EP300: variants seen among roughly 807,000 people sequenced by gnomAD.
EP300 encodes the protein histone acetyltransferase p300.
In EP300, 31 loss-of-function variants were observed where a neutral mutation model predicts 264.0. The ratio of observed to expected loss-of-function variants is 0.12; its 90% CI spans 0.09 to 0.16. The LOEUF (loss-of-function observed/expected upper bound fraction) is 0.16, where lower values mean the gene tolerates loss of function less well. Among genes scored for constraint, EP300 ranks in the 10% least tolerant of loss-of-function variants. The pLI is 1.00. For synonymous variants in EP300, 1,340 were observed against 1,045.4 expected (o/e 1.28, Z -5.44); for missense variants, 2,766 against 3,052.9 (o/e 0.91, Z 2.21).
intron 2 of EP300, among the ~76,000 whole-genome samples, chr22:41,125,623 A>G (rs1220427237): frequency 6.6e-6 from 1 of 152,008 alleles, no homozygotes; most frequent in Non-Finnish European, 1.5e-5. Context: ...CTTCACTGAT[A>G]ATCCCACTTT....
intron 29 of EP300, among the ~76,000 whole-genome samples, chr22:41,175,667 G>T (rs2059196407): frequency 6.6e-6 from 1 of 152,166 alleles, no homozygotes; most frequent in Non-Finnish European, 1.5e-5. Context: ...GATTTGTCTG[G>T]TTTGTTGTAA....
At chr22:41,116,497 T>G (rs1205624037) in intron 1 of EP300, among the ~76,000 whole-genome samples, 1 of 152,180 alleles carries the variant, frequency 6.6e-6, no homozygotes, top group Non-Finnish European at 1.5e-5. Flanking sequence ...CTGAGAATGA[T>G]GGTTTCCAGG....
chr22:41,173,867 T>C (rs2059184903), intron 29 of EP300, 83 bp downstream of exon 29: 1 of 1,558,440 alleles, frequency 6.4e-7, no homozygotes, highest in East Asian at 2.3e-5. Context: ...ATCCCAGCAC[T>C]TTGGGAGGCC....
At position 41,143,202 on chromosome 22, in the gene EP300, C is replaced by A. The variant is rs4822008; in HGVS notation, c.2053+1980C>A. On this transcript the variant is annotated intron_variant, in intron 10 of 30. Coordinates refer to ENST00000263253, the MANE Select transcript of EP300 (RefSeq NM_001429.4). The stretch of plus-strand genomic sequence containing the variant: ...TGGTGGTGGCTCACGCCTGTAATCC[C>A]AGCTCTTTGGGAGGCTGAGGCTGCA... Among the ~76,000 whole-genome samples, 7 of 152,174 alleles carry A rather than the reference C, an allele frequency of 4.6e-5. No homozygotes were observed. In the South Asian group the frequency reaches 1.4e-3, roughly 32 times the overall value.
intron 16 of EP300, among the ~76,000 whole-genome samples, chr22:41,154,140 T>C (rs1382913208): frequency 6.6e-6 from 1 of 152,180 alleles, no homozygotes; most frequent in African/African-American, 2.4e-5. Flanking sequence ...CTCTCTTCTT[T>C]TAAACTTAAA....
intron 6 of EP300, among the ~76,000 whole-genome samples, chr22:41,134,760 A>T (rs2058940397): frequency 6.6e-6 from 1 of 152,228 alleles, no homozygotes; most frequent in African/African-American, 2.4e-5. Flanking sequence ...GATGAGGAGC[A>T]ATCTTGCCTT....
chr22:41,119,253 G>A (rs2058839446), intron 2 of EP300, among the ~76,000 whole-genome samples: 1 of 146,980 alleles, frequency 6.8e-6, no homozygotes, highest in African/African-American at 2.5e-5. Flanking sequence ...CTCCTCTTGG[G>A]CTCAAGTGAT....
At position 41,141,366 on chromosome 22, in the gene EP300, C is replaced by T. The variant is rs1016563538; in HGVS notation, c.2053+144C>T. Reference sequence around the variant, plus strand: ...TGCCTTTGCAAAGAAAATAACTCATCTACTAGTAAAAACAGAAGCAGAACA... The same window carrying T: ...TGCCTTTGCAAAGAAAATAACTCATTTACTAGTAAAAACAGAAGCAGAACA... On this transcript the variant is annotated intron_variant, in intron 10 of 30. Transcript: ENST00000263253. The T allele has an allele frequency of 5.1e-5, 43 of 842,650 alleles. 1 individual carries two copies. In the Admixed American group the frequency reaches 8.1e-4, roughly 16 times the overall value. The allele number at this position is 842,650 out of a possible 1,614,324, so 52.2% of individuals were successfully genotyped here. A position where few individuals can be genotyped will look rare whatever the true frequency, so the allele number is the denominator to read the frequency against.
chr22:41,133,321 C>G (rs1243093080), intron 6 of EP300, among the ~76,000 whole-genome samples: 4 of 151,784 alleles, frequency 2.6e-5, no homozygotes, highest in Non-Finnish European at 5.9e-5. Flanking sequence ...CCACACCCAG[C>G]TAATTTTTTT....
chr22:41,110,250 G>GACCT (rs1476015403), intron 1 of EP300, among the ~76,000 whole-genome samples: 1 of 143,118 alleles, frequency 7.0e-6, no homozygotes, highest in African/African-American at 2.6e-5. Flanking sequence ...GAGTAACTGG[G>GACCT]ACCTGTAGGT....
rs2058825106 is a variant in EP300 at position 41,117,006 on chromosome 22, C to T, written c.95-181C>T. Among the ~76,000 whole-genome samples, 3 of 152,212 alleles carry T rather than the reference C, an allele frequency of 2.0e-5. No homozygotes were observed. The South Asian group carries it at 6.2e-4, about 32-fold the overall frequency. ...ACCTGTGGATAGAGGTTACAGTAAG[C>T]CAAGATCGCGCACCACTGCACTCCA... On this transcript the variant is annotated intron_variant, in intron 1 of 30. Transcript: ENST00000263253.
At position 41,147,237 on chromosome 22, in the gene EP300, C is replaced by T. The variant is rs1314026393; in HGVS notation, c.2131+421C>T. ...TGGAGAATCACTTGAACCCAGGAGG[C>T]GGAGTTTGCAGTGAGGCGAGATCGC... On this transcript the variant is annotated intron_variant, in intron 11 of 30. Transcript: ENST00000263253. Among the ~76,000 whole-genome samples the T allele has an allele frequency of 6.7e-5, 10 of 149,192 alleles. No individual in the cohort carries two copies. The Admixed American group carries it at 6.7e-4, about 10-fold the overall frequency.
chr22:41,141,527 C>T (rs1285049688), intron 10 of EP300, among the ~76,000 whole-genome samples: 1 of 152,164 alleles, frequency 6.6e-6, no homozygotes, highest in African/African-American at 2.4e-5. Flanking sequence ...TCACAGATTT[C>T]TCTGAGACTG....
At position 41,137,635 on chromosome 22, in the gene EP300, G is replaced by C; in HGVS notation, c.1623-18G>C. 3.1e-6 allele frequency: 5 copies of C among 1,614,036 alleles called. No individual in the cohort carries two copies. The highest frequency in any genetic ancestry group is 4.2e-6 in the Non-Finnish European group (5 of 1,180,006). ...CTACCTTTCTTCACTAAAACTATTT[G>C]GTGACCCCTTTTTGAAGCCCAATGA... On this transcript the variant is annotated intron_variant, in intron 7 of 30. Coordinates refer to ENST00000263253, the MANE Select transcript of EP300 (RefSeq NM_001429.4).
In EP300 at chr22:41,137,720, A is replaced by G. The variant is rs1434555035; in HGVS notation, c.1690A>G (p.Thr564Ala). The G allele has an allele frequency of 1.5e-5, 24 of 1,614,062 alleles. No homozygotes were observed. The highest frequency in any genetic ancestry group is 1.9e-5 in the Non-Finnish European group (23 of 1,180,034). ...TATGCCAACAGCAGCTCAACCATCC[A>G]CTACTGGAATTCGGAAACAGTGGCA... ...GPMPTAAQPS[T>A]TGIRKQWHED... The change falls in exon 8 of 31, where the codon ACT (threonine) becomes GCT (alanine). Residue 564 changes from threonine (T) to alanine (A), a missense_variant. Physicochemically the swap from Thr to Ala is moderately conservative, Grantham distance 58. Transcript: ENST00000263253.
chr22:41,141,025 A>G (rs781049397), intron 9 of EP300, 23 bp from the exon 10 acceptor site: 1 of 1,611,526 alleles, frequency 6.2e-7, no homozygotes, highest in Non-Finnish European at 8.5e-7. Flanking sequence ...CATCTCCCTT[A>G]TTTTACTTCA....
intron 6 of EP300, among the ~76,000 whole-genome samples, chr22:41,133,199 G>T (rs946180220): frequency 1.6e-5 from 2 of 121,956 alleles, no homozygotes; most frequent in Non-Finnish European, 3.2e-5. Context: ...CTGTGTCACC[G>T]AGGCTGGAGT....
chr22:41,146,890 C>T lies in EP300; in HGVS notation c.2131+74C>T, dbSNP rs74969015. 3,184 of 1,296,876 alleles carry T rather than the reference C, an allele frequency of 2.5e-3. 7 individuals carry two copies. Among genetic ancestry groups the T allele is most frequent in the Non-Finnish European group, 3.2e-3 (2,948 of 918,138 alleles). 80.3% of individuals were successfully genotyped at this position (1,296,876 alleles called of 1,614,324 possible). A position where few individuals can be genotyped will look rare whatever the true frequency, so the allele number is the denominator to read the frequency against. ...TGCAAGATAATACTTGCTACCTGAA[C>T]ACCCGCTTTATGCCAACAGCAAGTG... On this transcript the variant is annotated intron_variant, in intron 11 of 30. Transcript: ENST00000263253.
intron 16 of EP300, among the ~76,000 whole-genome samples, chr22:41,153,474 T>A (rs189106128): frequency 8.5e-5 from 13 of 152,208 alleles, no homozygotes; most frequent in African/African-American, 2.9e-4. Context: ...CTCTTTAAAA[T>A]GTGTGTTCCC....
Sources: allele counts gnomAD v4.1 joint callset (sites outside exome capture counted in the v4.1 genomes callset), GRCh38; gene constraint gnomAD v4.1.1; transcripts MANE v1.5; gene names NCBI Gene and HGNC (gene_info 2026-07-23, HGNC 2026-07-21).